Variants in JAZF1 observed in about 807,000 individuals in gnomAD.
The protein encoded by JAZF1 is JAZF zinc finger 1.
In JAZF1, 8 loss-of-function variants were observed where a neutral mutation model predicts 26.4. That is an observed-to-expected ratio of 0.30 (90% CI 0.18 to 0.55). The LOEUF is 0.55. Ranked by LOEUF, JAZF1 falls within the 20% of genes least tolerant of loss-of-function variation. JAZF1 has a pLI of 0.94. For missense variants in JAZF1, 199 were observed against 322.0 expected (o/e 0.62, Z 2.92); for synonymous variants, 126 against 122.3 (o/e 1.03, Z -0.20).
intron 3 of JAZF1, among the ~76,000 whole-genome samples, chr7:27,870,427 T>C (rs1277809464): frequency 6.6e-6 from 1 of 152,144 alleles, no homozygotes; most frequent in Non-Finnish European, 1.5e-5. Context: ...GGGACCCTGT[T>C]TGATGAGTCT....
chr7:27,870,610 C>CA (rs1357578961), intron 3 of JAZF1, among the ~76,000 whole-genome samples: 1 of 152,060 alleles, frequency 6.6e-6, no homozygotes, highest in East Asian at 1.9e-4. Context: ...AGGACAAGAC[C>CA]AAGGGCCTGG....
intron 1 of JAZF1, among the ~76,000 whole-genome samples, chr7:28,091,474 T>G (rs1466485083): frequency 6.6e-6 from 1 of 151,790 alleles, no homozygotes; most frequent in South Asian, 2.1e-4. Flanking sequence ...TTTAGGTATT[T>G]CCCATTAAAT....
chr7:28,150,176 C>CG (rs1783089258), intron 1 of JAZF1, among the ~76,000 whole-genome samples: 1 of 152,062 alleles, frequency 6.6e-6, no homozygotes, highest in South Asian at 2.1e-4. Flanking sequence ...CAGAAAGCTT[C>CG]GGGGGGCAGG....
At chr7:27,941,805 T>G (rs1461167516) in intron 2 of JAZF1, among the ~76,000 whole-genome samples, 1 of 152,134 alleles carries the variant, frequency 6.6e-6, no homozygotes, top group African/African-American at 2.4e-5. Context: ...ATCTTACTTG[T>G]GGCCTGTCCA....
intron 1 of JAZF1, among the ~76,000 whole-genome samples, chr7:28,085,481 A>C (rs966830976): frequency 1.3e-5 from 2 of 152,244 alleles, no homozygotes; most frequent in Admixed American, 6.5e-5. Flanking sequence ...TCATAAACCT[A>C]CAAATAGGTA....
At chr7:27,960,304 GAAAAAACCTCT>G (rs1785166723) in intron 2 of JAZF1, among the ~76,000 whole-genome samples, 3 of 152,158 alleles carry the variant, frequency 2.0e-5, no homozygotes, top group African/African-American at 7.2e-5. Context: ...CTCCTTTGGG[GAAAAAACCTCT>G]AAATGCTAAT....
intron 2 of JAZF1, among the ~76,000 whole-genome samples, chr7:27,909,397 T>C (rs995839963): frequency 4.6e-5 from 2 of 43,182 alleles, no homozygotes; most frequent in African/African-American, 1.3e-4. Context: ...TTATTAGGCA[T>C]AATTTCAAAA....
chr7:28,131,982 T>C (rs1411196607), intron 1 of JAZF1, among the ~76,000 whole-genome samples: 1 of 152,142 alleles, frequency 6.6e-6, no homozygotes, highest in Non-Finnish European at 1.5e-5. Context: ...ACTGACCACA[T>C]AAAATATTGA....
chr7:28,178,810 G>A (rs1183705008), intron 1 of JAZF1, among the ~76,000 whole-genome samples: 1 of 152,212 alleles, frequency 6.6e-6, no homozygotes, highest in Non-Finnish European at 1.5e-5. Context: ...CAGAGGAAAT[G>A]GAAGAAGCTA....
In JAZF1 at chr7:27,832,325, AACTC is replaced by A. The variant is rs1358256344; in HGVS notation, c.*471_*474del. On this transcript the variant is annotated 3_prime_UTR_variant, in exon 5 of 5. Transcript: ENST00000283928. Reference sequence around the variant, plus strand: ...TAAAGTCTTTCTACTCACAAATACTAACTCCATTATGTAAGGCATGGTAACCAGT... The same window carrying A: ...TAAAGTCTTTCTACTCACAAATACTACATTATGTAAGGCATGGTAACCAGT... 4 of 217,206 alleles carry A rather than the reference AACTC, an allele frequency of 1.8e-5. No homozygotes were observed. The highest frequency in any genetic ancestry group is 2.8e-5 in the Non-Finnish European group (3 of 107,742). 13.5% of individuals were successfully genotyped at this position (217,206 alleles called of 1,614,324 possible).
chr7:27,984,528 C>A (rs951443058), intron 2 of JAZF1, among the ~76,000 whole-genome samples: 12 of 152,060 alleles, frequency 7.9e-5, no homozygotes, highest in Admixed American at 3.9e-4. Context: ...CCCACTGTCA[C>A]CATTAGACAG....
At chr7:27,838,872 C>T (rs1221173058) in intron 4 of JAZF1, among the ~76,000 whole-genome samples, 1 of 152,132 alleles carries the variant, frequency 6.6e-6, no homozygotes, top group Non-Finnish European at 1.5e-5. Flanking sequence ...CCACCAACTG[C>T]CACCCATGTC....
intron 2 of JAZF1, among the ~76,000 whole-genome samples, chr7:27,934,469 AC>A (rs1784732997): frequency 1.9e-4 from 1 of 5,368 alleles, no homozygotes; most frequent in South Asian, 0.036. Context: ...CCATACATAC[AC>A]ACACACACAC....
At chr7:28,147,723 C>CA (rs1168410033) in intron 1 of JAZF1, among the ~76,000 whole-genome samples, 3 of 145,776 alleles carry the variant, frequency 2.1e-5, no homozygotes, top group African/African-American at 5.0e-5. Flanking sequence ...TATATACACA[C>CA]AAAAAAAAAT....
chr7:28,117,329 T>G (rs1489806369), intron 1 of JAZF1, among the ~76,000 whole-genome samples: 6 of 152,226 alleles, frequency 3.9e-5, no homozygotes, highest in Admixed American at 1.3e-4. Context: ...TTCCAGTTTC[T>G]CAGCATTTTA....
intron 1 of JAZF1, among the ~76,000 whole-genome samples, chr7:28,002,637 T>A (rs1418779728): frequency 6.6e-6 from 1 of 152,212 alleles, no homozygotes; most frequent in Non-Finnish European, 1.5e-5. Flanking sequence ...CTTGCATTGT[T>A]CTGGATTATT....
chr7:27,920,514 G>A (rs901340262), intron 2 of JAZF1, among the ~76,000 whole-genome samples: 7 of 152,180 alleles, frequency 4.6e-5, no homozygotes, highest in Non-Finnish European at 1.0e-4. Flanking sequence ...GTCATATGGC[G>A]TGTCAAACAT....
intron 1 of JAZF1, among the ~76,000 whole-genome samples, chr7:28,079,040 G>A (rs920799339): frequency 1.3e-5 from 2 of 150,798 alleles, no homozygotes; most frequent in African/African-American, 4.9e-5. Flanking sequence ...CCAGGCTGGA[G>A]TGCAAGTGGC....
At chr7:27,998,554 T>C (rs1786069666) in intron 1 of JAZF1, among the ~76,000 whole-genome samples, 1 of 152,214 alleles carries the variant, frequency 6.6e-6, no homozygotes. Context: ...CATTTGAAAC[T>C]TTTCCCAAGC....
Sources: allele counts gnomAD v4.1 joint callset (sites outside exome capture counted in the v4.1 genomes callset), GRCh38; gene constraint gnomAD v4.1.1; transcripts MANE v1.5; gene names NCBI Gene and HGNC (gene_info 2026-07-23, HGNC 2026-07-21).